Variants in NFKBID observed in about 807,000 individuals in gnomAD.
NFKBID encodes NF-kappa-B inhibitor delta.
Under a neutral mutation model 53.4 loss-of-function variants are expected in NFKBID, and 26 were observed. The observed-to-expected ratio is 0.49, with a 90% CI of 0.36 to 0.68. NFKBID has a LOEUF of 0.68. Among genes scored for constraint, NFKBID ranks in the 30% least tolerant of loss-of-function variants. The probability of loss-of-function intolerance (pLI) is 0.00; values close to 1 mark genes in which losing one functional copy is unlikely to be tolerated. For synonymous variants in NFKBID, 262 were observed against 259.8 expected, an observed-to-expected ratio of 1.01 and a Z score of -0.08; for missense variants, 493 against 614.1, an observed-to-expected ratio of 0.80 and a Z score of 2.08.
intron 11 of NFKBID, 63 bp from the exon 12 acceptor site, chr19:35,888,675 C>A: frequency 7.8e-7 from 1 of 1,275,368 alleles, no homozygotes; most frequent in South Asian, 1.3e-5. Context: ...GGGGAAGGCA[C>A]GCCATGCAGA....
intron 9 of NFKBID, among the ~76,000 whole-genome samples, chr19:35,894,293 T>G (rs1398169501): frequency 6.6e-6 from 1 of 151,894 alleles, no homozygotes; most frequent in East Asian, 1.9e-4. Context: ...GGATGTTTAA[T>G]TCTCTCAGCC....
In NFKBID at chr19:35,896,559, C is replaced by A. The variant is rs571580618; in HGVS notation, c.685-21G>T. ...GGGGTCTGCAGGCCACAGGAGAAGT[C>A]AGGTTGGGCTCCTGGTTCCCTCCCG... On this transcript the variant is annotated intron_variant, in intron 6 of 11. Coordinates refer to ENST00000641389, the Ensembl canonical transcript of NFKBID. The surrounding 1 kb of genome is among the most constrained non-coding windows in gnomAD (Gnocchi z 5.7). 2.9e-4 allele frequency: 471 copies of A among 1,613,020 alleles called. 5 individuals are homozygous for A. In the African/African-American group the frequency reaches 4.9e-3, roughly 17 times the overall value.
At chr19:35,890,550 G>T in intron 9 of NFKBID, 60 bp from the exon 10 acceptor site, 1 of 1,120,362 alleles carries the variant, frequency 8.9e-7, no homozygotes, top group Non-Finnish European at 1.4e-6. Context: ...CCCTCCCACA[G>T]AATCCAGGAG....
chr19:35,889,948 C>T (rs1278187435), exon 11 of NFKBID: 9 of 1,611,968 alleles, frequency 5.6e-6, no homozygotes, highest in Admixed American at 3.3e-5. Context: ...CTCCAGGTTG[C>T]GCAGTGTGGG....
intron 4 of NFKBID, 38 bp downstream of exon 4, chr19:35,897,613 G>T: frequency 1.9e-6 from 2 of 1,040,540 alleles, no homozygotes; most frequent in South Asian, 2.5e-5. Context: ...CGAATTTTTA[G>T]GGGCCCTTCA....
At chr19:35,897,163 CCA>C (rs999119920) in intron 4 of NFKBID, 105 bp from the exon 5 acceptor site, 3 of 1,200,098 alleles carry the variant, frequency 2.5e-6, no homozygotes, top group Non-Finnish European at 3.5e-6. Flanking sequence ...TCCCAAGCCA[CCA>C]CACACACATC....
chr19:35,891,413 G>C lies in NFKBID; in HGVS notation c.1033-923C>G, dbSNP rs548507587. On this transcript the variant is annotated intron_variant, in intron 9 of 11. Coordinates refer to ENST00000641389, the Ensembl canonical transcript of NFKBID. Reference sequence around the variant, plus strand: ...TAGATTAAGAGTGATTTGAAAAGACGTAACATCATAATATGTGTGCTTATT... The same window carrying C: ...TAGATTAAGAGTGATTTGAAAAGACCTAACATCATAATATGTGTGCTTATT... Among the ~76,000 whole-genome samples the C allele has an allele frequency of 5.3e-5, 8 of 151,960 alleles. No individual in the cohort carries two copies. In the South Asian group the frequency reaches 1.7e-3, roughly 32 times the overall value.
rs937001081 is a variant in NFKBID, at chr19:35,895,569, A to C, written c.1032+411T>G. Among the ~76,000 whole-genome samples the C allele has an allele frequency of 7.9e-5, 12 of 152,278 alleles. No individual in the cohort carries two copies. In the East Asian group the frequency reaches 2.3e-3, roughly 29 times the overall value. ...GTAATCACAGCACTTTGGGAGGCCAAGGCAGGTGGATCACCTGAGGTCGGG... is the reference window on the plus strand; with the variant it reads ...GTAATCACAGCACTTTGGGAGGCCACGGCAGGTGGATCACCTGAGGTCGGG... On this transcript the variant is annotated intron_variant, in intron 9 of 11. Transcript: ENST00000641389.
intron 9 of NFKBID, among the ~76,000 whole-genome samples, chr19:35,894,939 G>A (rs1477103828): frequency 6.6e-6 from 1 of 150,546 alleles, no homozygotes; most frequent in African/African-American, 2.5e-5. Flanking sequence ...GTTGTGGTGA[G>A]CCGAGATCAC....
At chr19:35,898,648 G>A (rs1975360965) in intron 2 of NFKBID, 71 bp downstream of exon 2, 1 of 1,450,238 alleles carries the variant, frequency 6.9e-7, no homozygotes, top group Non-Finnish European at 9.3e-7. Context: ...CAGCCCCGAG[G>A]GCCCGGCAAG....
exon 5 of NFKBID, chr19:35,897,051 G>A: frequency 6.2e-7 from 1 of 1,601,956 alleles, no homozygotes; most frequent in South Asian, 1.1e-5. Context: ...AACTCTCCAG[G>A]GTCCAGCCTG....
At chr19:35,892,598 T>C (rs2146944041) in intron 9 of NFKBID, among the ~76,000 whole-genome samples, 1 of 152,184 alleles carries the variant, frequency 6.6e-6, no homozygotes, top group Admixed American at 6.6e-5. Flanking sequence ...CCCTGATTTC[T>C]GAGTTCTCCC....
exon 1 of NFKBID, chr19:35,900,614 C>G (rs1975509028): frequency 2.4e-6 from 3 of 1,229,956 alleles, no homozygotes; most frequent in African/African-American, 1.6e-5. Flanking sequence ...AGGGCCCGCC[C>G]ACAGGCCTGG....
At chr19:35,900,385 G>A in intron 1 of NFKBID, 57 bp downstream of exon 1, 8 of 1,192,068 alleles carry the variant, frequency 6.7e-6, no homozygotes, top group Non-Finnish European at 7.4e-6. Context: ...GGAGTCTTTC[G>A]ATCCTCAGTC....
intron 9 of NFKBID, among the ~76,000 whole-genome samples, chr19:35,892,000 A>C (rs909214270): frequency 6.6e-6 from 1 of 151,652 alleles, no homozygotes; most frequent in African/African-American, 2.4e-5. Context: ...CTCCCACCTT[A>C]GCCTCCCCAA....
At chr19:35,894,143 C>T (rs1315129547) in intron 9 of NFKBID, among the ~76,000 whole-genome samples, 1 of 151,612 alleles carries the variant, frequency 6.6e-6, no homozygotes, top group Non-Finnish European at 1.5e-5. Flanking sequence ...CCTGTAGTCC[C>T]AGTTACTCAG....
At chr19:35,900,678 T>A, upstream of NFKBID, 5 of 1,222,526 alleles carry the variant, frequency 4.1e-6, no homozygotes, top group Non-Finnish European at 5.1e-6. Context: ...CGCGGCGGAC[T>A]TGGGAGGCGG....
At chr19:35,898,886 T>G (rs1975380719) in intron 1 of NFKBID, 64 bp from the exon 2 acceptor site, 1 of 1,284,098 alleles carries the variant, frequency 7.8e-7, no homozygotes, top group Non-Finnish European at 1.1e-6. Flanking sequence ...GCCGCGGGGG[T>G]GGCGCGCGGG....
At chr19:35,902,178 A>G (rs1334149193), upstream of NFKBID, 1 of 702,824 alleles carries the variant, frequency 1.4e-6, no homozygotes, top group East Asian at 2.7e-5. Context: ...TTTCCCCGCA[A>G]ACCCACTTCC....
Sources: allele counts gnomAD v4.1 joint callset (sites outside exome capture counted in the v4.1 genomes callset), GRCh38; gene constraint gnomAD v4.1.1; non-coding constraint Gnocchi (gnomAD v3.1); transcripts MANE v1.5; gene names NCBI Gene and HGNC (gene_info 2026-07-23, HGNC 2026-07-21).